Variants in OBSL1 observed in about 807,000 individuals in gnomAD.
OBSL1 encodes the protein obscurin-like protein 1.
In OBSL1, 160 loss-of-function variants were observed where a neutral mutation model predicts 172.0. That is an observed-to-expected ratio of 0.93 (90% CI 0.82 to 1.06). The LOEUF is 1.06. OBSL1 is among the 50% of genes least tolerant of loss of function. OBSL1 has a pLI of 0.00. For missense variants in OBSL1, 2,681 were observed against 2,715.4 expected, an observed-to-expected ratio of 0.99 and a Z score of 0.28; for synonymous variants, 1,200 against 1,196.3, an observed-to-expected ratio of 1.00 and a Z score of -0.06.
At position 219,552,986 on chromosome 2, in the gene OBSL1, GAGCCGGAGCCGCGGGCT is replaced by G. The variant is rs1695745894; in HGVS notation, c.5011_5027del (p.Ser1671ProfsTer102). ...GAAGGCGGCGCGTGCCGAGGGCCTG[GAGCCGGAGCCGCGGGCT>G]AGGCGTAAGCGCGTTCCCGTCCTAG... On this transcript the variant is annotated frameshift_variant, in exon 17 of 21. Coordinates refer to ENST00000404537, the MANE Select transcript of OBSL1 (RefSeq NM_015311.3). LOFTEE classifies it high-confidence loss of function. 1 of 1,528,190 alleles carries G rather than the reference GAGCCGGAGCCGCGGGCT, an allele frequency of 6.5e-7. No individual in the cohort carries two copies. The highest frequency in any genetic ancestry group is 1.2e-5 in the South Asian group (1 of 82,998). 94.7% of individuals were successfully genotyped at this position (1,528,190 alleles called of 1,614,324 possible).
At position 219,568,397 on chromosome 2, in the gene OBSL1, C is replaced by A. The variant is rs957366621; in HGVS notation, c.1013-73G>T. On this transcript the variant is annotated intron_variant, in intron 1 of 20. Coordinates refer to ENST00000404537, the MANE Select transcript of OBSL1 (RefSeq NM_015311.3). This position sits in a 1 kb window ranked among gnomAD's most constrained non-coding sequence, Gnocchi z 4.1. ...AGACTAGGAGTAGGATACCTAGAAG[C>A]GCATTAGCTCATGCTGTGTGCTCTT... 2.4e-5 allele frequency: 33 copies of A among 1,378,670 alleles called. No individual in the cohort carries two copies. In the South Asian group the frequency reaches 4.4e-4, roughly 19 times the overall value. The allele number at this position is 1,378,670 out of a possible 1,614,324, so 85.4% of individuals were successfully genotyped here. A position where few individuals can be genotyped will look rare whatever the true frequency, so the allele number is the denominator to read the frequency against.
intron 1 of OBSL1, 112 bp downstream of exon 1, chr2:219,570,109 G>T: frequency 1.0e-6 from 1 of 972,558 alleles, no homozygotes; most frequent in South Asian, 2.3e-5. Context: ...TATTCCCGCG[G>T]ACCACCTCTC....
At chr2:219,556,367 C>A (rs1696004982) in intron 13 of OBSL1, 75 bp from the exon 14 acceptor site, 10 of 1,583,376 alleles carry the variant, frequency 6.3e-6, no homozygotes, top group Non-Finnish European at 8.6e-6. Context: ...ACTGGTCTGT[C>A]CCTAGGTGGA....
rs370776324 is a variant in OBSL1, at chr2:219,563,334, G to A, written c.2680+21C>T. 2.9e-5 allele frequency: 45 copies of A among 1,544,158 alleles called. 1 individual carries two copies. The African/African-American group carries it at 4.5e-4, about 15-fold the overall frequency. On this transcript the variant is annotated intron_variant, in intron 7 of 20. Coordinates refer to ENST00000404537, the MANE Select transcript of OBSL1 (RefSeq NM_015311.3). ...CAGGGGCACCTTCCCCTGTGCCTCCGAGGCCCACCTGGCCCCCCACCTGTG... is the reference window on the plus strand; with the variant it reads ...CAGGGGCACCTTCCCCTGTGCCTCCAAGGCCCACCTGGCCCCCCACCTGTG...
intron 8 of OBSL1, among the ~76,000 whole-genome samples, chr2:219,559,877 C>G (rs760275093): frequency 1.3e-5 from 2 of 152,134 alleles, no homozygotes; most frequent in Non-Finnish European, 1.5e-5. Flanking sequence ...ACACTCATAT[C>G]TTATAGATAT....
Position 219,570,674 on chromosome 2 carries a change from C to A in OBSL1, c.559G>T (p.Gly187Cys), listed in dbSNP as rs1295872822. The A allele has an allele frequency of 1.7e-5, 25 of 1,507,912 alleles. No individual in the cohort carries two copies. The highest frequency in any genetic ancestry group is 6.3e-5 in the Admixed American group (3 of 47,740). 93.4% of individuals were successfully genotyped at this position (1,507,912 alleles called of 1,614,324 possible). ...CGCAGTGCCAGGCTCGCGCCGGGGC[C>A]GTCCTCGGCGCGGCCCGGCTGGAGC... ...FALQPGRAED[G>C]PGASLALRIL... The change falls in exon 1 of 21, where the codon GGC becomes TGC. Residue 187 changes from glycine (G) to cysteine (C), a missense_variant. By Grantham distance (159) the Gly-to-Cys change is radical. Coordinates refer to ENST00000404537, the MANE Select transcript of OBSL1 (RefSeq NM_015311.3).
downstream of OBSL1, among the ~76,000 whole-genome samples, chr2:219,549,545 G>T (rs1369257275): frequency 1.3e-5 from 2 of 152,196 alleles, no homozygotes; most frequent in African/African-American, 4.8e-5. Context: ...TGGGGGAAAG[G>T]TTCCTGAGTA....
At position 219,552,667 on chromosome 2, in the gene OBSL1, C is replaced by A. The variant is rs1369924352; in HGVS notation, c.5177G>T (p.Arg1726Leu). The A allele has an allele frequency of 6.5e-7, 1 of 1,538,542 alleles. No individual in the cohort carries two copies. Among genetic ancestry groups the A allele is most frequent in the Non-Finnish European group, 8.7e-7 (1 of 1,146,100 alleles). ...GTCGCCTTCGCGGGCGCTCACCGAC[C>A]GCAGCTCGGAGAGTACCGCCACAGT... The part of the protein sequence containing the change: ...ERTVAVLSEL[R>L]SVSAREGDGA... The change falls in exon 18 of 21, where the codon CGG becomes CTG. Residue 1726 changes from arginine to leucine, a missense_variant. Physicochemically the swap from Arg to Leu is moderately radical, Grantham distance 102 (BLOSUM62 -2). This residue lies in a region of OBSL1 where 1,765 missense variants were observed against 1,748.3 expected (regional missense o/e 1.01). Transcript: ENST00000404537.
chr2:219,562,528 C>T lies in OBSL1; in HGVS notation c.2827G>A (p.Ala943Thr), dbSNP rs767798315. ...GTGTCTTCCTTCTGCAGGAGCAGCG[C>T]GGGGCTCTCCACCACCTCCTCTCCA... The part of the protein sequence containing the change: ...KDGEEVVESP[A>T]LLLQKEDTVR... Residue 943 changes from alanine to threonine, a missense_variant, in exon 8 of 21, where the codon GCG becomes ACG. Transcript: ENST00000404537. The T allele has an allele frequency of 3.2e-5, 51 of 1,613,834 alleles. No individual in the cohort carries two copies. The highest frequency in any genetic ancestry group is 5.0e-5 in the Admixed American group (3 of 59,992).
intron 11 of OBSL1, 92 bp downstream of exon 11, chr2:219,557,731 G>A: frequency 4.5e-6 from 7 of 1,539,092 alleles, no homozygotes; most frequent in South Asian, 1.2e-5. Context: ...GGATGGGCAA[G>A]GCATGCTGGA....
downstream of OBSL1, chr2:219,549,232 A>G (rs749122562): frequency 2.5e-6 from 4 of 1,613,992 alleles, no homozygotes; most frequent in South Asian, 2.2e-5. Context: ...AAGGCGGAAA[A>G]AGAGACCTCC....
intron 6 of OBSL1, among the ~76,000 whole-genome samples, chr2:219,564,068 G>C (rs1696696365): frequency 6.6e-6 from 1 of 152,242 alleles, no homozygotes; most frequent in Non-Finnish European, 1.5e-5. Flanking sequence ...CAGGTAGTGG[G>C]TTCCCTGTCA....
At chr2:219,562,189 G>A (rs1696528601) in intron 8 of OBSL1, among the ~76,000 whole-genome samples, 1 of 152,228 alleles carries the variant, frequency 6.6e-6, no homozygotes, top group African/African-American at 2.4e-5. Context: ...CAGTAAATGA[G>A]CTGTGGAGCA....
chr2:219,556,423 A>G, intron 13 of OBSL1, 31 bp downstream of exon 13: 1 of 1,611,904 alleles, frequency 6.2e-7, no homozygotes, highest in Non-Finnish European at 8.5e-7. Context: ...GGCACGGGAC[A>G]CAGAGTATCT....
At chr2:219,553,996 T>C (rs1258609343) in intron 15 of OBSL1, among the ~76,000 whole-genome samples, 1 of 150,836 alleles carries the variant, frequency 6.6e-6, no homozygotes, top group Non-Finnish European at 1.5e-5. Context: ...GAGTGGTCAG[T>C]GGGAACATCC....
Position 219,565,467 on chromosome 2 carries a change from A to C in OBSL1, c.2182T>G (p.Phe728Val). 1 of 1,612,812 alleles carries C rather than the reference A, an allele frequency of 6.2e-7. No homozygotes were observed. The highest frequency in any genetic ancestry group is 8.5e-7 in the Non-Finnish European group (1 of 1,179,862). The change falls in exon 6 of 21, where the codon TTC (phenylalanine) becomes GTC (valine). Residue 728 changes from phenylalanine to valine, a missense_variant. This residue lies in a region of OBSL1 where 1,765 missense variants were observed against 1,748.3 expected (regional missense o/e 1.01). Coordinates refer to ENST00000404537, the MANE Select transcript of OBSL1 (RefSeq NM_015311.3). ...AGCACCACCCGCTCTGAGGTTGTGA[A>C]GGTCAACGACACCCTGTCCTGGGGG... ...LSPQDRVSLT[F>V]TTSERVVLTC...
Position 219,556,310 on chromosome 2 carries a change from G to C in OBSL1, c.4337-18C>G. On this transcript the variant is annotated intron_variant, in intron 13 of 20. Coordinates refer to ENST00000404537, the MANE Select transcript of OBSL1 (RefSeq NM_015311.3). ...CTCTGTCTCTGGTGGGGAAGAAGGA[G>C]GCCATGGAGTCTGGTGGGGTTGGAG... The C allele has an allele frequency of 1.9e-6, 3 of 1,571,468 alleles. No individual in the cohort carries two copies. Among genetic ancestry groups the C allele is most frequent in the Non-Finnish European group, 2.6e-6 (3 of 1,155,450 alleles).
Position 219,556,618 on chromosome 2 carries a change from G to A in OBSL1, c.4172C>T (p.Thr1391Ile), listed in dbSNP as rs762564972. The A allele has an allele frequency of 8.1e-6, 13 of 1,613,874 alleles. No homozygotes were observed. The highest frequency in any genetic ancestry group is 9.3e-6 in the Non-Finnish European group (11 of 1,179,898). ...CEVSPPDADV[T>I]WLRNGAVVTP... ...GACGACGGCCCCATTGCGCAGCCAG[G>A]TGACATCGGCATCTGGTGGGGAGAC... is the stretch of plus-strand genomic sequence containing the variant. The change falls in exon 13 of 21, where the codon ACC becomes ATC. Residue 1391 changes from threonine (T) to isoleucine (I), a missense_variant. Physicochemically the swap from Thr to Ile is moderately conservative, Grantham distance 89 (BLOSUM62 -1). Around this residue, in one of 5 missense-constraint regions of OBSL1, gnomAD observed 1,765 missense variants for 1,748.3 expected, o/e 1.01. Transcript: ENST00000404537.
At chr2:219,565,193 C>A in intron 6 of OBSL1, 49 bp downstream of exon 6, 1 of 1,546,646 alleles carries the variant, frequency 6.5e-7, no homozygotes. Flanking sequence ...CTTATGCGGC[C>A]CCACAATCAG....
Sources: allele counts gnomAD v4.1 joint callset (sites outside exome capture counted in the v4.1 genomes callset), GRCh38; gene constraint gnomAD v4.1.1; regional missense constraint gnomAD v4.1.1; non-coding constraint Gnocchi (gnomAD v3.1); transcripts MANE v1.5; gene names NCBI Gene and HGNC (gene_info 2026-07-23, HGNC 2026-07-21).